The following ANKRD18B variants were observed in gnomAD, a reference collection of about 807,000 sequenced individuals.
ANKRD18B encodes the protein ankyrin repeat domain 18B.
In ANKRD18B, 75 loss-of-function variants were observed where a neutral mutation model predicts 111.8. The ratio of observed to expected loss-of-function variants is 0.67; its 90% CI spans 0.56 to 0.81. ANKRD18B has a LOEUF of 0.81. Ranked by LOEUF, ANKRD18B falls within the 40% of genes least tolerant of loss-of-function variation. The pLI, the probability that ANKRD18B is intolerant of heterozygous loss-of-function variation, is 0.00. For missense variants in ANKRD18B, 1,038 were observed against 1,225.5 expected (o/e 0.85, Z 2.28); for synonymous variants, 356 against 417.3 (o/e 0.85, Z 1.79).
Position 33,524,447 on chromosome 9 carries a change from G to A in ANKRD18B, c.-43G>A, listed in dbSNP as rs2117946554. The A allele has an allele frequency of 2.0e-6, 3 of 1,502,912 alleles. No homozygotes were observed. The highest frequency in any genetic ancestry group is 2.7e-6 in the Non-Finnish European group (3 of 1,124,208). 93.1% of individuals were successfully genotyped at this position (1,502,912 alleles called of 1,614,324 possible). ...GGGTGGAAAGGCCACGAGGAGCCGC[G>A]GCGTCTCAGGAGCGGGTGGTGGGCA... On this transcript the variant is annotated 5_prime_UTR_variant, in exon 1 of 19. Transcript: ENST00000684830.
At chr9:33,534,532 G>C in intron 5 of ANKRD18B, 25 bp downstream of exon 5, 2 of 1,497,968 alleles carry the variant, frequency 1.3e-6, no homozygotes, top group South Asian at 1.4e-5. Flanking sequence ...TAAAAGACCG[G>C]TTAATACTAA....
rs999175805 is a variant in ANKRD18B, at chr9:33,524,268, G to C, written c.-222G>C. 2.9e-5 allele frequency: 36 copies of C among 1,223,800 alleles called. No homozygotes were observed. The highest frequency in any genetic ancestry group is 1.5e-4 in the Admixed American group (4 of 27,418). 75.8% of individuals were successfully genotyped at this position (1,223,800 alleles called of 1,614,324 possible). A position where few individuals can be genotyped will look rare whatever the true frequency, so the allele number is the denominator to read the frequency against. Reference sequence around the variant, plus strand: ...ACCGCTTTACTGGGCTCACTCTATCGAGAGGTCGGAGGCTGCGAGTGTCGC... The same window carrying C: ...ACCGCTTTACTGGGCTCACTCTATCCAGAGGTCGGAGGCTGCGAGTGTCGC... On this transcript the variant is annotated 5_prime_UTR_variant, in exon 1 of 19. Transcript: ENST00000684830.
intron 10 of ANKRD18B, among the ~76,000 whole-genome samples, chr9:33,546,589 AGAT>A (rs1828359495): frequency 6.6e-6 from 1 of 152,196 alleles, no homozygotes; most frequent in African/African-American, 2.4e-5. Context: ...AAGTAAAAGC[AGAT>A]GAGGCCTCCC....
At chr9:33,528,686 T>C in intron 1 of ANKRD18B, 41 bp from the exon 2 acceptor site, 1 of 1,481,520 alleles carries the variant, frequency 6.7e-7, no homozygotes, top group South Asian at 1.3e-5. Flanking sequence ...GGTTTTGAGA[T>C]ATTGCACTAC....
Position 33,572,767 on chromosome 9 carries a change from C to T in ANKRD18B, c.*333C>T. ...ATATAGTAGGAGACTTAAAGAGTATCTGCCAGGTTTGTCCATACTAGTGTT... is the reference window on the plus strand; with the variant it reads ...ATATAGTAGGAGACTTAAAGAGTATTTGCCAGGTTTGTCCATACTAGTGTT... On this transcript the variant is annotated 3_prime_UTR_variant, in exon 19 of 19. Transcript: ENST00000684830. 1 of 994,692 alleles carries T rather than the reference C, an allele frequency of 1.0e-6. No individual in the cohort carries two copies. Among genetic ancestry groups the T allele is most frequent in the Non-Finnish European group, 1.2e-6 (1 of 832,042 alleles). The allele number at this position is 994,692 out of a possible 1,614,324, so 61.6% of individuals were successfully genotyped here. A position where few individuals can be genotyped will look rare whatever the true frequency, so the allele number is the denominator to read the frequency against.
At position 33,572,585 on chromosome 9, in the gene ANKRD18B, C is replaced by T; in HGVS notation, c.*151C>T. 1 of 1,266,872 alleles carries T rather than the reference C, an allele frequency of 7.9e-7. No homozygotes were observed. Among genetic ancestry groups the T allele is most frequent in the Non-Finnish European group, 1.0e-6 (1 of 1,003,710 alleles). The allele number at this position is 1,266,872 out of a possible 1,614,324, so 78.5% of individuals were successfully genotyped here. On this transcript the variant is annotated 3_prime_UTR_variant, in exon 19 of 19. Transcript: ENST00000684830. ...TATTTTAAATGATTTTTTTAGCCTC[C>T]TTAAGTTTTAAGTGGATCTTGCAAA...
intron 14 of ANKRD18B, 114 bp downstream of exon 14, chr9:33,558,301 T>A: frequency 8.2e-7 from 1 of 1,218,662 alleles, no homozygotes; most frequent in Non-Finnish European, 1.1e-6. Context: ...TATCAATCCA[T>A]CACCTAGGTA....
intron 11 of ANKRD18B, 74 bp downstream of exon 11, chr9:33,548,929 G>C (rs1213292389): frequency 2.1e-5 from 27 of 1,292,158 alleles, no homozygotes; most frequent in Non-Finnish European, 2.8e-5. Flanking sequence ...GTTGAACGTA[G>C]TTCAATATAA....
Position 33,529,179 on chromosome 9 carries a change from G to C in ANKRD18B, c.495+6G>C, listed in dbSNP as rs1270091731. 10 of 1,588,036 alleles carry C rather than the reference G, an allele frequency of 6.3e-6. No individual in the cohort carries two copies. The highest frequency in any genetic ancestry group is 2.7e-5 in the African/African-American group (2 of 73,686). On this transcript the variant is annotated splice_donor_region_variant and intron_variant, in intron 3 of 18. Transcript: ENST00000684830. ...ATATTGAAGCACTAAACAAGGTACA[G>C]ATCAATCAACTTTCTTTTCAAAATG... is the stretch of plus-strand genomic sequence containing the variant.
At chr9:33,544,586 C>G (rs1389967824) in intron 10 of ANKRD18B, among the ~76,000 whole-genome samples, 1 of 152,034 alleles carries the variant, frequency 6.6e-6, no homozygotes, top group Non-Finnish European at 1.5e-5. Context: ...AGCTGTAATC[C>G]CAGCACTTTG....
chr9:33,563,120 T>A (rs895871233), intron 14 of ANKRD18B, among the ~76,000 whole-genome samples: 1 of 152,244 alleles, frequency 6.6e-6, no homozygotes, highest in East Asian at 1.9e-4. Flanking sequence ...TGCTTCTCAA[T>A]AATGTTTGTC....
At chr9:33,530,332 A>G (rs1032223335) in intron 3 of ANKRD18B, among the ~76,000 whole-genome samples, 2 of 152,166 alleles carry the variant, frequency 1.3e-5, no homozygotes, top group African/African-American at 4.8e-5. Context: ...GAAGCCATGC[A>G]CAGTGGCATG....
chr9:33,524,456 G>A lies in ANKRD18B; in HGVS notation c.-34G>A. On this transcript the variant is annotated 5_prime_UTR_variant, in exon 1 of 19. Coordinates refer to ENST00000684830, the MANE Select transcript of ANKRD18B (RefSeq NM_001393611.1). Reference sequence around the variant, plus strand: ...GGCCACGAGGAGCCGCGGCGTCTCAGGAGCGGGTGGTGGGCATCTGAGAAG... The same window carrying A: ...GGCCACGAGGAGCCGCGGCGTCTCAAGAGCGGGTGGTGGGCATCTGAGAAG... 1 of 1,515,058 alleles carries A rather than the reference G, an allele frequency of 6.6e-7. No homozygotes were observed. Among genetic ancestry groups the A allele is most frequent in the Admixed American group, 2.2e-5 (1 of 44,978 alleles). 93.9% of individuals were successfully genotyped at this position (1,515,058 alleles called of 1,614,324 possible). A position where few individuals can be genotyped will look rare whatever the true frequency, so the allele number is the denominator to read the frequency against.
At chr9:33,537,305 A>G (rs1828215947) in intron 6 of ANKRD18B, among the ~76,000 whole-genome samples, 1 of 152,176 alleles carries the variant, frequency 6.6e-6, no homozygotes, top group Admixed American at 6.5e-5. Context: ...TCCAAAGAAA[A>G]CAAAAAGAGT....
chr9:33,544,276 T>C (rs1828324121), intron 10 of ANKRD18B, among the ~76,000 whole-genome samples: 1 of 152,232 alleles, frequency 6.6e-6, no homozygotes, highest in Admixed American at 6.5e-5. Flanking sequence ...TTTTTACTTC[T>C]TAGTTATAAT....
chr9:33,541,413 ATTGGTG>A (rs1488459916), intron 9 of ANKRD18B, among the ~76,000 whole-genome samples, 186 bp downstream of exon 9: 1 of 152,148 alleles, frequency 6.6e-6, no homozygotes, highest in East Asian at 1.9e-4. Flanking sequence ...ATTTGAAAAT[ATTGGTG>A]TTGCTGGGAA....
chr9:33,554,607 C>T (rs999560020), intron 12 of ANKRD18B, among the ~76,000 whole-genome samples: 5 of 152,148 alleles, frequency 3.3e-5, no homozygotes, highest in South Asian at 2.1e-4. Context: ...TCAATACCAG[C>T]GTGGCCAACA....
intron 9 of ANKRD18B, among the ~76,000 whole-genome samples, chr9:33,541,990 T>C (rs566070): frequency 6.7e-4 from 102 of 152,268 alleles, no homozygotes; most frequent in African/African-American, 2.3e-3. Flanking sequence ...CCTCTCTTGC[T>C]GCTGCCTGGC....
downstream of ANKRD18B, chr9:33,574,317 G>T: frequency 6.1e-6 from 1 of 165,286 alleles, no homozygotes. Context: ...CTCGTTGGGG[G>T]CACCTGGTCA....
Sources: allele counts gnomAD v4.1 joint callset (sites outside exome capture counted in the v4.1 genomes callset), GRCh38; gene constraint gnomAD v4.1.1; transcripts MANE v1.5; gene names NCBI Gene and HGNC (gene_info 2026-07-23, HGNC 2026-07-21).